Variants in CDKN2AIP observed in about 807,000 individuals in gnomAD.
CDKN2AIP encodes the protein CDKN2A-interacting protein.
Under a neutral mutation model 44.1 loss-of-function variants are expected in CDKN2AIP, and 12 were observed. The observed-to-expected ratio is 0.27, with a 90% CI of 0.17 to 0.44. The LOEUF (loss-of-function observed/expected upper bound fraction) is 0.44. CDKN2AIP is among the 20% of genes least tolerant of loss of function. The pLI is 1.00. For missense variants in CDKN2AIP, 705 were observed against 681.6 expected, an observed-to-expected ratio of 1.03 and a Z score of -0.38; for synonymous variants, 291 against 272.1, an observed-to-expected ratio of 1.07 and a Z score of -0.68.
chr4:183,447,613 A>C lies in CDKN2AIP; in HGVS notation c.*186A>C, dbSNP rs1203228959. The C allele has an allele frequency of 6.5e-6, 3 of 459,954 alleles. No homozygotes were observed. The highest frequency in any genetic ancestry group is 6.0e-5 in the African/African-American group (3 of 49,628). 28.5% of individuals were successfully genotyped at this position (459,954 alleles called of 1,614,324 possible). A position where few individuals can be genotyped will look rare whatever the true frequency, so the allele number is the denominator to read the frequency against. On this transcript the variant is annotated 3_prime_UTR_variant, in exon 3 of 3. Transcript: ENST00000504169. ...TAATTTATGAATGACAGTACACATT[A>C]AAAGGTATGCATTAGCAGCATATTA... is the stretch of plus-strand genomic sequence containing the variant.
At chr4:183,445,970 G>T in intron 2 of CDKN2AIP, 118 bp from the exon 3 acceptor site, 1 of 859,098 alleles carries the variant, frequency 1.2e-6, no homozygotes. Context: ...ACTTTTTAAA[G>T]AAACGATTAG....
In CDKN2AIP at chr4:183,447,043, T is replaced by C; in HGVS notation, c.1359T>C (p.Ala453=). 6.2e-7 allele frequency: 1 copy of C among 1,614,140 alleles called. No homozygotes were observed. Among genetic ancestry groups the C allele is most frequent in the Non-Finnish European group, 8.5e-7 (1 of 1,179,982 alleles). The change falls in exon 3 of 3, where the codon GCT becomes GCC. Residue 453 remains alanine, a synonymous_variant. Transcript: ENST00000504169. The stretch of plus-strand genomic sequence containing the variant: ...AAACGGTGGCATGGAAGTTGGTAGC[T>C]GTTGGTGGCTTTAGTCCCAATGTGA... ...LYKTVAWKLV[A]VGGFSPNVNH...
chr4:183,444,717 A>C lies in CDKN2AIP; in HGVS notation c.-81A>C. The C allele has an allele frequency of 7.2e-7, 1 of 1,380,582 alleles. No individual in the cohort carries two copies. 85.5% of individuals were successfully genotyped at this position (1,380,582 alleles called of 1,614,324 possible). ...GCGTTATCTGGAGGGCCGCGGGTGC[A>C]GGCCGCAGTGACAGGGCCGCTCGCC... On this transcript the variant is annotated 5_prime_UTR_variant, in exon 1 of 3. Transcript: ENST00000504169.
rs796266223 is a variant in CDKN2AIP at position 183,448,105 on chromosome 4, G to A, written c.*678G>A. Reference sequence around the variant, plus strand: ...ACACTTTTTTCTTAAAAACATGAATGTGGGTTTCTATATTAAGCATATTTT... The same window carrying A: ...ACACTTTTTTCTTAAAAACATGAATATGGGTTTCTATATTAAGCATATTTT... On this transcript the variant is annotated 3_prime_UTR_variant, in exon 3 of 3. Transcript: ENST00000504169. The A allele has an allele frequency of 4.9e-4, 74 of 152,286 alleles. No homozygotes were observed. The highest frequency in any genetic ancestry group is 1.7e-3 in the African/African-American group (70 of 41,574). The allele number at this position is 152,286 out of a possible 1,614,324, so 9.4% of individuals were successfully genotyped here.
chr4:183,446,140 T>C lies in CDKN2AIP; in HGVS notation c.456T>C (p.Ser152=). Reference sequence around the variant, plus strand: ...GAGTTATAGAAGGAAAAAACAGTTCTGCAGTTGAGCAAGATCACGCAAAAA... The same window carrying C: ...GAGTTATAGAAGGAAAAAACAGTTCCGCAGTTGAGCAAGATCACGCAAAAA... ...KKRVIEGKNS[S]AVEQDHAKTS... is the part of the protein sequence containing the mutation. The change falls in exon 3 of 3, where the codon TCT becomes TCC. Residue 152 remains serine, a synonymous_variant. Transcript: ENST00000504169. 1 of 1,613,902 alleles carries C rather than the reference T, an allele frequency of 6.2e-7. No homozygotes were observed. The highest frequency in any genetic ancestry group is 1.6e-4 in the Middle Eastern group (1 of 6,062).
At position 183,447,433 on chromosome 4, in the gene CDKN2AIP, C is replaced by A; in HGVS notation, c.*6C>A. On this transcript the variant is annotated 3_prime_UTR_variant, in exon 3 of 3. Transcript: ENST00000504169. ...ATCCTCAAGAATTACTATAATGTGT[C>A]CAAAATATCACTGCATACAATATCT... The A allele has an allele frequency of 6.6e-7, 1 of 1,507,342 alleles. No homozygotes were observed. The highest frequency in any genetic ancestry group is 1.4e-5 in the South Asian group (1 of 72,910). The allele number at this position is 1,507,342 out of a possible 1,614,324, so 93.4% of individuals were successfully genotyped here.
At position 183,446,382 on chromosome 4, in the gene CDKN2AIP, C is replaced by T; in HGVS notation, c.698C>T (p.Ala233Val). 2 of 1,602,778 alleles carry T rather than the reference C, an allele frequency of 1.2e-6. No individual in the cohort carries two copies. The highest frequency in any genetic ancestry group is 1.7e-6 in the Non-Finnish European group (2 of 1,173,184). Reference protein sequence around the residue: ...TTAGSGKASEAEAPDKHGSAS... With the variant: ...TTAGSGKASEVEAPDKHGSAS... Reference sequence around the variant, plus strand: ...GCAGGATCTGGGAAAGCTTCTGAAGCAGAAGCTCCAGATAAACACGGTTCT... The same window carrying T: ...GCAGGATCTGGGAAAGCTTCTGAAGTAGAAGCTCCAGATAAACACGGTTCT... The change falls in exon 3 of 3, where the codon GCA (alanine) becomes GTA (valine). Residue 233 changes from alanine (A) to valine (V), a missense_variant. By Grantham distance (64) the Ala-to-Val change is moderately conservative. Transcript: ENST00000504169.
At position 183,444,703 on chromosome 4, in the gene CDKN2AIP, A is replaced by T; in HGVS notation, c.-95A>T. 7.7e-7 allele frequency: 1 copy of T among 1,291,586 alleles called. No individual in the cohort carries two copies. Among genetic ancestry groups the T allele is most frequent in the Non-Finnish European group, 1.0e-6 (1 of 970,352 alleles). The allele number at this position is 1,291,586 out of a possible 1,614,324, so 80.0% of individuals were successfully genotyped here. On this transcript the variant is annotated 5_prime_UTR_variant, in exon 1 of 3. Coordinates refer to ENST00000504169, the MANE Select transcript of CDKN2AIP (RefSeq NM_017632.4). ...AGGCCTGCGGAGGGGCGTTATCTGG[A>T]GGGCCGCGGGTGCAGGCCGCAGTGA...
rs757188648 is a variant in CDKN2AIP at position 183,445,086 on chromosome 4, C to A, written c.272+17C>A. ...CGGGTGCCGGTGAGTGAGGCAGCGT[C>A]CCTAACCAGCACGCCTCGTTTTGTG... On this transcript the variant is annotated intron_variant, in intron 1 of 2. Transcript: ENST00000504169. 4 of 1,565,262 alleles carry A rather than the reference C, an allele frequency of 2.6e-6. No individual in the cohort carries two copies. In the African/African-American group the frequency reaches 4.1e-5, roughly 16 times the overall value.
At chr4:183,445,730 T>C in intron 2 of CDKN2AIP, 65 bp downstream of exon 2, 3 of 1,346,072 alleles carry the variant, frequency 2.2e-6, no homozygotes, top group African/African-American at 1.5e-5. Context: ...TAATTAGGAA[T>C]TATTGTTACT....
Position 183,445,098 on chromosome 4 carries a change from C to T in CDKN2AIP, c.272+29C>T, listed in dbSNP as rs1733637590. On this transcript the variant is annotated intron_variant, in intron 1 of 2. Coordinates refer to ENST00000504169, the MANE Select transcript of CDKN2AIP (RefSeq NM_017632.4). ...AGTGAGGCAGCGTCCCTAACCAGCA[C>T]GCCTCGTTTTGTGTGCCACCTGCAG... The T allele has an allele frequency of 4.5e-6, 7 of 1,549,560 alleles. No homozygotes were observed. The East Asian group carries it at 1.4e-4, about 31-fold the overall frequency.
In CDKN2AIP at chr4:183,444,739, C is replaced by T. The variant is rs534410019; in HGVS notation, c.-59C>T. 2.8e-6 allele frequency: 4 copies of T among 1,450,370 alleles called. No homozygotes were observed. Among genetic ancestry groups the T allele is most frequent in the South Asian group, 1.4e-5 (1 of 70,646 alleles). 89.8% of individuals were successfully genotyped at this position (1,450,370 alleles called of 1,614,324 possible). On this transcript the variant is annotated 5_prime_UTR_variant, in exon 1 of 3. Coordinates refer to ENST00000504169, the MANE Select transcript of CDKN2AIP (RefSeq NM_017632.4). Reference sequence around the variant, plus strand: ...TGCAGGCCGCAGTGACAGGGCCGCTCGCCCCGCTAGTCCTGCCTGTCTCCC... The same window carrying T: ...TGCAGGCCGCAGTGACAGGGCCGCTTGCCCCGCTAGTCCTGCCTGTCTCCC...
Position 183,445,589 on chromosome 4 carries a change from G to A in CDKN2AIP, c.327G>A (p.Val109=). Residue 109 remains valine (V), a synonymous_variant, in exon 2 of 3, where the codon GTG becomes GTA. Transcript: ENST00000504169. ...TTAGTATGGCTGAAGGCATCAAAGT[G>A]ACAGATGCTCCAACCTATACAACAA... ...KILSMAEGIK[V]TDAPTYTTRD... 6.2e-7 allele frequency: 1 copy of A among 1,608,820 alleles called. No individual in the cohort carries two copies. The highest frequency in any genetic ancestry group is 8.5e-7 in the Non-Finnish European group (1 of 1,175,180).
Position 183,446,466 on chromosome 4 carries a change from A to G in CDKN2AIP, c.782A>G (p.Asp261Gly). Residue 261 changes from aspartate to glycine, a missense_variant, in exon 3 of 3, where the codon GAT (aspartate) becomes GGT (glycine). Asp to Gly is a moderately conservative substitution (Grantham distance 94). Around this residue, in one of 2 missense-constraint regions of CDKN2AIP, gnomAD observed 592 missense variants for 518.0 expected, o/e 1.14. Coordinates refer to ENST00000504169, the MANE Select transcript of CDKN2AIP (RefSeq NM_017632.4). ...AATAGTCACATGACCCAATCCACTG[A>G]TTCTAGACAACAAAGTGGATCACCT... is the stretch of plus-strand genomic sequence containing the variant. ...SVNSHMTQST[D>G]SRQQSGSPKK... is the part of the protein sequence containing the mutation. 6.2e-7 allele frequency: 1 copy of G among 1,613,884 alleles called. No homozygotes were observed. Among genetic ancestry groups the G allele is most frequent in the Non-Finnish European group, 8.5e-7 (1 of 1,179,732 alleles).
chr4:183,444,682 C>T lies in CDKN2AIP; in HGVS notation c.-116C>T, dbSNP rs548729012. The T allele has an allele frequency of 2.2e-3, 2,308 of 1,069,662 alleles. 11 individuals carry two copies. Among genetic ancestry groups the T allele is most frequent in the Non-Finnish European group, 2.2e-3 (1,738 of 773,682 alleles). The allele number at this position is 1,069,662 out of a possible 1,614,324, so 66.3% of individuals were successfully genotyped here. A position where few individuals can be genotyped will look rare whatever the true frequency, so the allele number is the denominator to read the frequency against. On this transcript the variant is annotated 5_prime_UTR_variant, in exon 1 of 3. Transcript: ENST00000504169. Reference sequence around the variant, plus strand: ...GGGCGCTGTTGTTTGGTCTTTAGGCCTGCGGAGGGGCGTTATCTGGAGGGC... The same window carrying T: ...GGGCGCTGTTGTTTGGTCTTTAGGCTTGCGGAGGGGCGTTATCTGGAGGGC...
chr4:183,445,228 C>T (rs1032685676), intron 1 of CDKN2AIP, 159 bp downstream of exon 1: 283 of 848,492 alleles, frequency 3.3e-4, no homozygotes, highest in Non-Finnish European at 4.5e-4. Flanking sequence ...AGAAGGGCGT[C>T]CCTGCGAGGA....
At position 183,444,706 on chromosome 4, in the gene CDKN2AIP, G is replaced by GC; in HGVS notation, c.-90dup. 1 of 1,324,066 alleles carries GC rather than the reference G, an allele frequency of 7.6e-7. No homozygotes were observed. The highest frequency in any genetic ancestry group is 1.0e-6 in the Non-Finnish European group (1 of 998,584). 82.0% of individuals were successfully genotyped at this position (1,324,066 alleles called of 1,614,324 possible). ...CCTGCGGAGGGGCGTTATCTGGAGG[G>GC]CCGCGGGTGCAGGCCGCAGTGACAG... On this transcript the variant is annotated 5_prime_UTR_variant, in exon 1 of 3. Transcript: ENST00000504169.
chr4:183,446,340 C>T lies in CDKN2AIP; in HGVS notation c.656C>T (p.Ser219Phe). The T allele has an allele frequency of 6.2e-7, 1 of 1,614,222 alleles. No individual in the cohort carries two copies. Among genetic ancestry groups the T allele is most frequent in the Non-Finnish European group, 8.5e-7 (1 of 1,180,044 alleles). The part of the protein sequence containing the change: ...SVSSQSSSSV[S>F]SQVTTAGSGK... Reference sequence around the variant, plus strand: ...TCCAGCCAAAGCAGCAGCAGCGTTTCCTCTCAGGTAACAACGGCAGGATCT... The same window carrying T: ...TCCAGCCAAAGCAGCAGCAGCGTTTTCTCTCAGGTAACAACGGCAGGATCT... Residue 219 changes from serine to phenylalanine, a missense_variant, in exon 3 of 3, where the codon TCC becomes TTC. Ser to Phe is a radical substitution (Grantham distance 155). Around this residue, in one of 2 missense-constraint regions of CDKN2AIP, gnomAD observed 592 missense variants for 518.0 expected, o/e 1.14. Coordinates refer to ENST00000504169, the MANE Select transcript of CDKN2AIP (RefSeq NM_017632.4).
In CDKN2AIP at chr4:183,449,011, T is replaced by G. The variant is rs1733740462; in HGVS notation, c.*1584T>G. The stretch of plus-strand genomic sequence containing the variant: ...AATGTGTATTTTGTGGGATAATGAT[T>G]ATCAGAAAAGCAAAAAATTACAACG... On this transcript the variant is annotated 3_prime_UTR_variant, in exon 3 of 3. Transcript: ENST00000504169. Among the ~76,000 whole-genome samples the G allele has an allele frequency of 6.6e-6, 1 of 152,144 alleles. No individual in the cohort carries two copies.
Sources: gnomAD v4.1 joint callset for allele counts (sites outside exome capture counted in the v4.1 genomes callset) on GRCh38, gnomAD v4.1.1 for gene constraint, gnomAD v4.1.1 regional missense constraint, MANE v1.5 for transcripts, NCBI Gene and HGNC (gene_info 2026-07-23, HGNC 2026-07-21) for gene names.